DHCR24: variants seen among roughly 807,000 people sequenced by gnomAD.
DHCR24 encodes 24-dehydrocholesterol reductase, also known as delta(24)-sterol reductase.
DHCR24 carries 28 observed loss-of-function variants against 61.2 expected under a neutral mutation model. That is an observed-to-expected ratio of 0.46 (90% CI 0.34 to 0.63). The LOEUF (loss-of-function observed/expected upper bound fraction) is 0.63. Ranked by LOEUF, DHCR24 falls within the 20% of genes least tolerant of loss-of-function variation. The pLI is 0.01. For missense variants in DHCR24, 538 were observed against 679.1 expected, an observed-to-expected ratio of 0.79 and a Z score of 2.31; for synonymous variants, 261 against 275.9, an observed-to-expected ratio of 0.95 and a Z score of 0.54.
chr1:54,878,803 C>T (rs553661979), intron 2 of DHCR24, among the ~76,000 whole-genome samples: 1 of 152,238 alleles, frequency 6.6e-6, no homozygotes, highest in East Asian at 1.9e-4. Flanking sequence ...AAATACCCAG[C>T]TCCCCAAAAG....
At chr1:54,853,900 G>T in intron 7 of DHCR24, 137 bp downstream of exon 7, 1 of 936,010 alleles carries the variant, frequency 1.1e-6, no homozygotes, top group Non-Finnish European at 1.7e-6. Context: ...GCAGACATAG[G>T]GACAAGGACC....
At chr1:54,874,785 C>G (rs1268650672) in intron 4 of DHCR24, among the ~76,000 whole-genome samples, 1 of 151,988 alleles carries the variant, frequency 6.6e-6, no homozygotes, top group Admixed American at 6.6e-5. Context: ...TCTCTCTGAG[C>G]TTTAGTTTCC....
chr1:54,851,999 A>T lies in DHCR24; in HGVS notation c.*234T>A. On this transcript the variant is annotated 3_prime_UTR_variant, in exon 9 of 9. Coordinates refer to ENST00000371269, the MANE Select transcript of DHCR24 (RefSeq NM_014762.4). ...GGACTCACCCAGAGTCACACAGCTAATGAGTTCTAAACGGGGAACTGGACT... is the reference window on the plus strand; with the variant it reads ...GGACTCACCCAGAGTCACACAGCTATTGAGTTCTAAACGGGGAACTGGACT... The T allele has an allele frequency of 1.7e-6, 1 of 578,862 alleles. No individual in the cohort carries two copies. Among genetic ancestry groups the T allele is most frequent in the Non-Finnish European group, 3.1e-6 (1 of 324,562 alleles). 35.9% of individuals were successfully genotyped at this position (578,862 alleles called of 1,614,324 possible).
intron 2 of DHCR24, among the ~76,000 whole-genome samples, chr1:54,880,567 C>T (rs1221515164): frequency 4.6e-5 from 7 of 151,768 alleles, no homozygotes; most frequent in Non-Finnish European, 1.0e-4. Context: ...GAGTTCGAAA[C>T]CAGCCTGACC....
chr1:54,853,821 G>A (rs551985936), intron 7 of DHCR24, among the ~76,000 whole-genome samples: 3 of 152,250 alleles, frequency 2.0e-5, no homozygotes, highest in South Asian at 2.1e-4. Context: ...GCAGGTCATG[G>A]GAGTGCTCGA....
chr1:54,869,437 A>G (rs1646984750), intron 5 of DHCR24, among the ~76,000 whole-genome samples: 1 of 152,248 alleles, frequency 6.6e-6, no homozygotes, highest in Non-Finnish European at 1.5e-5. Flanking sequence ...AGGACAGGAT[A>G]AATGTGAGTC....
intron 6 of DHCR24, among the ~76,000 whole-genome samples, chr1:54,858,635 T>TTTTA (rs1553120383): frequency 2.0e-5 from 3 of 152,126 alleles, no homozygotes; most frequent in Non-Finnish European, 2.9e-5. Context: ...TTATTTTTAT[T>TTTTA]TTTATTTATT....
At position 54,883,822 on chromosome 1, in the gene DHCR24, A is replaced by G. The variant is rs748326644; in HGVS notation, c.232-49T>C. On this transcript the variant is annotated intron_variant, in intron 1 of 8. Coordinates refer to ENST00000371269, the MANE Select transcript of DHCR24 (RefSeq NM_014762.4). This position sits in a 1 kb window ranked among gnomAD's most constrained non-coding sequence, Gnocchi z 4.3. The stretch of plus-strand genomic sequence containing the variant: ...AGCTGGCCCCACTGGGAATCCCCAG[A>G]GCAGCCTGCAGCCCTGCTTTCTTCA... The G allele has an allele frequency of 1.2e-6, 2 of 1,611,616 alleles. No individual in the cohort carries two copies. The highest frequency in any genetic ancestry group is 1.7e-6 in the Non-Finnish European group (2 of 1,179,376).
intron 2 of DHCR24, among the ~76,000 whole-genome samples, chr1:54,880,276 C>T (rs1239312812): frequency 6.6e-6 from 1 of 152,068 alleles, no homozygotes; most frequent in Non-Finnish European, 1.5e-5. Flanking sequence ...CCAAAGCTAA[C>T]CCAAGAAGAA....
intron 6 of DHCR24, 91 bp from the exon 7 acceptor site, chr1:54,854,325 G>A: frequency 8.6e-7 from 1 of 1,169,380 alleles, no homozygotes; most frequent in East Asian, 2.4e-5. Context: ...GTCCCATTCT[G>A]TGCTTGACAG....
rs768270393 is a variant in DHCR24, at chr1:54,875,185, C to T, written c.520G>A (p.Glu174Lys). 6.8e-6 allele frequency: 11 copies of T among 1,614,028 alleles called. No homozygotes were observed. Among genetic ancestry groups the T allele is most frequent in the Non-Finnish European group, 9.3e-6 (11 of 1,180,044 alleles). The change falls in exon 4 of 9, where the codon GAG becomes AAG. Residue 174 changes from glutamate (E) to lysine (K), a missense_variant. Physicochemically the swap from Glu to Lys is moderately conservative, Grantham distance 56. Coordinates refer to ENST00000371269, the MANE Select transcript of DHCR24 (RefSeq NM_014762.4). Reference protein sequence around the residue: ...VGGLIMGTGIESSSHKYGLFQ... With the variant: ...VGGLIMGTGIKSSSHKYGLFQ... Reference sequence around the variant, plus strand: ...AGGCCGTACTTGTGGGATGATGACTCGATGCCTGTGCCCATGATCAAGCCC... The same window carrying T: ...AGGCCGTACTTGTGGGATGATGACTTGATGCCTGTGCCCATGATCAAGCCC...
intron 7 of DHCR24, 136 bp downstream of exon 7, chr1:54,853,901 G>T: frequency 1.1e-6 from 1 of 942,228 alleles, no homozygotes; most frequent in Non-Finnish European, 1.6e-6. Flanking sequence ...CAGACATAGG[G>T]ACAAGGACCT....
At chr1:54,876,140 CCAAA>C (rs1316196445) in intron 2 of DHCR24, 93 bp from the exon 3 acceptor site, 10 of 925,564 alleles carry the variant, frequency 1.1e-5, no homozygotes, top group Non-Finnish European at 1.4e-5. Context: ...TCAAACCTTC[CCAAA>C]CACTCACTGC....
intron 2 of DHCR24, among the ~76,000 whole-genome samples, chr1:54,880,033 C>A (rs12042996): frequency 0.27 from 40,686 of 151,910 alleles, 5,710 homozygotes; most frequent in East Asian, 0.39. Flanking sequence ...ACAACACACA[C>A]ACACAAAGGG....
intron 7 of DHCR24, 109 bp from the exon 8 acceptor site, chr1:54,853,721 A>T: frequency 1.5e-6 from 2 of 1,300,414 alleles, no homozygotes; most frequent in Non-Finnish European, 2.1e-6. Flanking sequence ...CATTCTCAAG[A>T]CCCCCTCAGG....
rs138651505 is a variant in DHCR24 at position 54,880,066 on chromosome 1, A to G, written c.387+3552T>C. On this transcript the variant is annotated intron_variant, in intron 2 of 8. Coordinates refer to ENST00000371269, the MANE Select transcript of DHCR24 (RefSeq NM_014762.4). ...GGGAAAAATCAATGATATCAAAGCT[A>G]GCTTTTGAGAAGATCAATAAAATTC... Among the ~76,000 whole-genome samples the G allele has an allele frequency of 1.7e-3, 262 of 152,336 alleles. No individual in the cohort carries two copies. In the South Asian group the frequency reaches 0.024, roughly 14 times the overall value.
chr1:54,862,150 C>T (rs1381560487), intron 6 of DHCR24, among the ~76,000 whole-genome samples: 1 of 152,186 alleles, frequency 6.6e-6, no homozygotes, highest in Non-Finnish European at 1.5e-5. Context: ...ATTTTCCCCT[C>T]CACTGGATCA....
chr1:54,863,023 C>T (rs921781762), intron 6 of DHCR24, among the ~76,000 whole-genome samples: 15 of 128,860 alleles, frequency 1.2e-4, no homozygotes, highest in African/African-American at 3.8e-4. Flanking sequence ...ATGCAGTGGG[C>T]GAAATTGCGC....
intron 2 of DHCR24, among the ~76,000 whole-genome samples, chr1:54,877,725 G>T (rs1425931486): frequency 6.6e-6 from 1 of 152,158 alleles, no homozygotes; most frequent in Admixed American, 6.5e-5. Context: ...AAAGATGGAG[G>T]TGAGGCTGGG....
Sources: allele counts gnomAD v4.1 joint callset (sites outside exome capture counted in the v4.1 genomes callset), GRCh38; gene constraint gnomAD v4.1.1; non-coding constraint Gnocchi (gnomAD v3.1); transcripts MANE v1.5; gene names NCBI Gene and HGNC (gene_info 2026-07-23, HGNC 2026-07-21).